Variants in DIO1 observed in about 807,000 individuals in gnomAD.
DIO1 encodes the protein type I iodothyronine deiodinase.
Under a neutral mutation model 25.9 loss-of-function variants are expected in DIO1, and 17 were observed. That is an observed-to-expected ratio of 0.66 (90% confidence interval 0.45 to 0.98). DIO1 has a LOEUF of 0.98. Among genes scored for constraint, DIO1 ranks in the 50% least tolerant of loss-of-function variants. DIO1 has a pLI of 0.00. For synonymous variants in DIO1, 115 were observed against 114.0 expected (o/e 1.01, Z -0.05); for missense variants, 270 against 310.4 (o/e 0.87, Z 0.98).
chr1:53,903,812 G>A lies in DIO1; in HGVS notation c.338-854G>A, dbSNP rs533409100. Among the ~76,000 whole-genome samples, 7 of 152,028 alleles carry A rather than the reference G, an allele frequency of 4.6e-5. No homozygotes were observed. In the South Asian group the frequency reaches 1.5e-3, roughly 32 times the overall value. On this transcript the variant is annotated intron_variant, in intron 1 of 3. Coordinates refer to ENST00000361921, the MANE Select transcript of DIO1 (RefSeq NM_000792.7). ...TGCAGTGAGCTGAGATCACACCACT[G>A]CACTCCAGCCTGGGTGAGACTCCAT...
intron 1 of DIO1, among the ~76,000 whole-genome samples, chr1:53,901,040 G>C (rs1368787475): frequency 8.0e-6 from 1 of 124,354 alleles, no homozygotes; most frequent in South Asian, 2.7e-4. Flanking sequence ...GTGTTGCCCA[G>C]GGTGGTCTTG....
intron 1 of DIO1, among the ~76,000 whole-genome samples, chr1:53,902,019 C>T (rs1026035218): frequency 6.7e-6 from 1 of 149,342 alleles, no homozygotes; most frequent in Non-Finnish European, 1.5e-5. Flanking sequence ...CTTATGGGAG[C>T]CTGCCTGCTC....
intron 1 of DIO1, among the ~76,000 whole-genome samples, chr1:53,895,142 C>T (rs560881635): frequency 3.3e-5 from 5 of 152,204 alleles, no homozygotes; most frequent in Middle Eastern, 3.4e-3. Context: ...AAAGAGCTCT[C>T]GGCTGGGCGT....
At position 53,910,711 on chromosome 1, in the gene DIO1, GCT is replaced by G. The variant is rs1296014479; in HGVS notation, c.*717_*718del. The stretch of plus-strand genomic sequence containing the variant: ...TTTGAATATATTTCATAGAAATCTA[GCT>G]CTCTGTACCCTGAAATCTTCCACTA... On this transcript the variant is annotated 3_prime_UTR_variant, in exon 4 of 4. Coordinates refer to ENST00000361921, the MANE Select transcript of DIO1 (RefSeq NM_000792.7). 1 of 152,252 alleles carries G rather than the reference GCT, an allele frequency of 6.6e-6. No individual in the cohort carries two copies. 9.4% of individuals were successfully genotyped at this position (152,252 alleles called of 1,614,324 possible).
intron 3 of DIO1, among the ~76,000 whole-genome samples, chr1:53,907,347 T>G (rs1454265158): frequency 6.6e-6 from 1 of 152,158 alleles, no homozygotes; most frequent in East Asian, 1.9e-4. Flanking sequence ...TGAAGGGATT[T>G]CAAGCCTTGG....
Position 53,894,638 on chromosome 1 carries a change from A to G in DIO1, c.337+91A>G, listed in dbSNP as rs1316059926. The G allele has an allele frequency of 2.4e-5, 29 of 1,230,036 alleles. No individual in the cohort carries two copies. Among genetic ancestry groups the G allele is most frequent in the Non-Finnish European group, 3.4e-6 (3 of 894,696 alleles). The allele number at this position is 1,230,036 out of a possible 1,614,324, so 76.2% of individuals were successfully genotyped here. The stretch of plus-strand genomic sequence containing the variant: ...GGGTTGGAAAGTCCTGAATTCTCCT[A>G]CTACTTTTGCTGCTCCTTTTGGACC... On this transcript the variant is annotated intron_variant, in intron 1 of 3. Coordinates refer to ENST00000361921, the MANE Select transcript of DIO1 (RefSeq NM_000792.7). This position sits in a 1 kb window ranked among gnomAD's most constrained non-coding sequence, Gnocchi z 4.9.
Position 53,894,395 on chromosome 1 carries a change from T to TA in DIO1, c.186dup (p.Pro63ThrfsTer25). 6.2e-7 allele frequency: 1 copy of TA among 1,614,242 alleles called. No individual in the cohort carries two copies. Among genetic ancestry groups the TA allele is most frequent in the East Asian group, 2.2e-5 (1 of 44,884 alleles). On this transcript the variant is annotated frameshift_variant, in exon 1 of 4. Coordinates refer to ENST00000361921, the MANE Select transcript of DIO1 (RefSeq NM_000792.7). LOFTEE classifies it high-confidence loss of function. This position sits in a 1 kb window ranked among gnomAD's most constrained non-coding sequence, Gnocchi z 4.9. ...CCCCATTTCAGCCACGACAACTGGA[T>TA]ACCAACCTTTTTCAGCACCCAGTAT...
chr1:53,907,907 G>A (rs1651737135), intron 3 of DIO1, among the ~76,000 whole-genome samples: 1 of 95,528 alleles, frequency 1.0e-5, no homozygotes, highest in African/African-American at 4.9e-5. Context: ...GTGAAACTCT[G>A]TCTCGGAAAA....
chr1:53,897,552 A>G (rs910597836), intron 1 of DIO1, among the ~76,000 whole-genome samples: 5 of 152,182 alleles, frequency 3.3e-5, no homozygotes, highest in African/African-American at 1.2e-4. Context: ...TGCAGCTGAG[A>G]CTGAAAATTG....
At chr1:53,904,386 C>T (rs1343390354) in intron 1 of DIO1, among the ~76,000 whole-genome samples, 1 of 152,146 alleles carries the variant, frequency 6.6e-6, no homozygotes, top group Non-Finnish European at 1.5e-5. Context: ...TTATAAACTG[C>T]ATGAAAGGGA....
intron 1 of DIO1, among the ~76,000 whole-genome samples, chr1:53,900,163 T>C (rs1181099317): frequency 6.6e-6 from 1 of 152,360 alleles, no homozygotes; most frequent in Non-Finnish European, 1.5e-5. Context: ...AAATTGAGAA[T>C]ATAAGCCAAT....
intron 1 of DIO1, among the ~76,000 whole-genome samples, chr1:53,900,921 G>A (rs574886208): frequency 2.7e-4 from 39 of 146,976 alleles, no homozygotes; most frequent in Admixed American, 2.2e-3. Flanking sequence ...CTTAATGGAC[G>A]CTCCAGCCTC....
chr1:53,905,949 C>G (rs981527074), intron 2 of DIO1, 146 bp from the exon 3 acceptor site: 7 of 710,068 alleles, frequency 9.9e-6, no homozygotes, highest in African/African-American at 5.4e-5. Context: ...CTGACGTGAC[C>G]TTGCACATTC....
At chr1:53,905,076 A>G (rs1162582406) in intron 2 of DIO1, among the ~76,000 whole-genome samples, 2 of 152,140 alleles carry the variant, frequency 1.3e-5, no homozygotes, top group Non-Finnish European at 2.9e-5. Context: ...TCGGATAAAT[A>G]GGGAAGTCAA....
In DIO1 at chr1:53,910,234, C is replaced by A. The variant is rs113019354; in HGVS notation, c.*235C>A. 0.012 allele frequency: 6,213 copies of A among 518,390 alleles called. 263 individuals are homozygous for A. Among genetic ancestry groups the A allele is most frequent in the African/African-American group, 0.1 (5,209 of 52,136 alleles). The allele number at this position is 518,390 out of a possible 1,614,324, so 32.1% of individuals were successfully genotyped here. A position where few individuals can be genotyped will look rare whatever the true frequency, so the allele number is the denominator to read the frequency against. ...AACACTTGAGCTGTTCAGGCCAGTT[C>A]CCTGTTGAAGAAACAGTTCCCTGTT... On this transcript the variant is annotated 3_prime_UTR_variant, in exon 4 of 4. Coordinates refer to ENST00000361921, the MANE Select transcript of DIO1 (RefSeq NM_000792.7).
intron 1 of DIO1, among the ~76,000 whole-genome samples, chr1:53,899,529 T>C (rs981438646): frequency 4.6e-5 from 7 of 152,226 alleles, no homozygotes; most frequent in African/African-American, 1.7e-4. Flanking sequence ...CTGACCACTG[T>C]ACCCAACCAC....
At chr1:53,904,108 T>C (rs1453810248) in intron 1 of DIO1, among the ~76,000 whole-genome samples, 3 of 152,204 alleles carry the variant, frequency 2.0e-5, no homozygotes, top group Admixed American at 6.5e-5. Context: ...CCCTTATCTC[T>C]ATTAATTTAT....
Position 53,894,589 on chromosome 1 carries a change from A to T in DIO1, c.337+42A>T. ...ACACTTGAGGGGTGCTTGAAATAGCAGTGGTAGAGGGGGATGAAGAGATGG... is the reference window on the plus strand; with the variant it reads ...ACACTTGAGGGGTGCTTGAAATAGCTGTGGTAGAGGGGGATGAAGAGATGG... On this transcript the variant is annotated intron_variant, in intron 1 of 3. Transcript: ENST00000361921. This position sits in a 1 kb window ranked among gnomAD's most constrained non-coding sequence, Gnocchi z 4.9. 2 of 1,551,468 alleles carry T rather than the reference A, an allele frequency of 1.3e-6. No individual in the cohort carries two copies. The highest frequency in any genetic ancestry group is 1.8e-6 in the Non-Finnish European group (2 of 1,141,090).
intron 3 of DIO1, among the ~76,000 whole-genome samples, chr1:53,908,588 G>T (rs1651781348): frequency 6.6e-6 from 1 of 152,184 alleles, no homozygotes; most frequent in Admixed American, 6.5e-5. Flanking sequence ...AAAGGATAAG[G>T]AGTTGGCCTA....
Sources: gnomAD v4.1 joint callset for allele counts (sites outside exome capture counted in the v4.1 genomes callset) on GRCh38, gnomAD v4.1.1 for gene constraint, Gnocchi (gnomAD v3.1) non-coding constraint, MANE v1.5 for transcripts, NCBI Gene and HGNC (gene_info 2026-07-23, HGNC 2026-07-21) for gene names.